The following PCDHA12 variants were observed in gnomAD, a reference collection of about 807,000 sequenced individuals.
PCDHA12 encodes protocadherin alpha 12.
Under a neutral mutation model 60.0 loss-of-function variants are expected in PCDHA12, and 44 were observed. The ratio of observed to expected loss-of-function variants is 0.73; its 90% CI spans 0.58 to 0.94. The LOEUF is 0.94. Ranked by LOEUF, PCDHA12 falls within the 40% of genes least tolerant of loss-of-function variation. The pLI is 0.00. For missense variants in PCDHA12, 1,276 were observed against 1,239.7 expected, an observed-to-expected ratio of 1.03 and a Z score of -0.44; for synonymous variants, 569 against 553.0, an observed-to-expected ratio of 1.03 and a Z score of -0.40.
At chr5:140,904,519 A>C (rs576512079) in intron 1 of PCDHA12, among the ~76,000 whole-genome samples, 2 of 152,174 alleles carry the variant, frequency 1.3e-5, no homozygotes, top group Non-Finnish European at 2.9e-5. Context: ...GTGCTGCTAT[A>C]AACTTGTGTG....
intron 1 of PCDHA12, among the ~76,000 whole-genome samples, chr5:140,917,330 A>AGGGGGGGGGGG (rs1425400137): frequency 9.7e-6 from 1 of 103,190 alleles, no homozygotes. Flanking sequence ...GTGGCGGGGG[A>AGGGGGGGGGGG]GGGGGGGGAT....
chr5:140,990,898 G>A (rs1408537294), intron 3 of PCDHA12, among the ~76,000 whole-genome samples: 3 of 152,146 alleles, frequency 2.0e-5, no homozygotes, highest in Non-Finnish European at 4.4e-5. Context: ...GGTCGTTGCT[G>A]GGTCAAGTTT....
chr5:140,911,485 A>G (rs1387982810), intron 1 of PCDHA12, among the ~76,000 whole-genome samples: 1 of 152,152 alleles, frequency 6.6e-6, no homozygotes, highest in East Asian at 1.9e-4. Context: ...ACTCAGGGCA[A>G]TCTTAGCAGG....
intron 1 of PCDHA12, among the ~76,000 whole-genome samples, chr5:140,952,473 A>C (rs1262702527): frequency 6.6e-6 from 1 of 152,210 alleles, no homozygotes; most frequent in Non-Finnish European, 1.5e-5. Flanking sequence ...GCATAAGGAA[A>C]GTGACATTTG....
intron 2 of PCDHA12, among the ~76,000 whole-genome samples, chr5:140,980,491 G>A (rs917181390): frequency 2.6e-5 from 4 of 152,132 alleles, no homozygotes; most frequent in Non-Finnish European, 5.9e-5. Flanking sequence ...TTAGCTGGGC[G>A]TGATGGCATG....
intron 1 of PCDHA12, among the ~76,000 whole-genome samples, chr5:140,972,711 T>A (rs2096551404): frequency 6.7e-6 from 1 of 148,680 alleles, no homozygotes; most frequent in Non-Finnish European, 1.5e-5. Context: ...GTTGCCAGGC[T>A]GGAGTGCAGT....
chr5:140,985,060 C>T (rs1377386395), intron 3 of PCDHA12, among the ~76,000 whole-genome samples: 2 of 152,066 alleles, frequency 1.3e-5, no homozygotes, highest in Admixed American at 6.5e-5. Flanking sequence ...GCCTCAGCCT[C>T]CTGAGTAGCT....
chr5:140,982,677 C>T, intron 3 of PCDHA12, 114 bp downstream of exon 3: 1 of 1,439,238 alleles, frequency 6.9e-7, no homozygotes, highest in Non-Finnish European at 9.1e-7. Flanking sequence ...TTTTGTTATT[C>T]CCTTTTTTCC....
At chr5:140,957,895 A>G (rs1169291586) in intron 1 of PCDHA12, among the ~76,000 whole-genome samples, 1 of 152,118 alleles carries the variant, frequency 6.6e-6, no homozygotes, top group African/African-American at 2.4e-5. Flanking sequence ...GTTGGCATCA[A>G]CCAAGGCATA....
At chr5:140,928,120 G>A (rs368067553) in intron 1 of PCDHA12, 5 of 1,614,062 alleles carry the variant, frequency 3.1e-6, no homozygotes, top group African/African-American at 1.3e-5. Context: ...GCAGATCAGT[G>A]AATACCAAGT....
chr5:140,876,928 A>G lies in PCDHA12; in HGVS notation c.1456A>G (p.Lys486Glu), dbSNP rs188405716. Residue 486 changes from lysine to glutamate, a missense_variant, in exon 1 of 4, where the codon AAG becomes GAG. Coordinates refer to ENST00000398631, the MANE Select transcript of PCDHA12 (RefSeq NM_018903.4). ...TVSAWDADAQ[K>E]NALVSYSLVE... ...GTCGGCATGGGACGCGGACGCGCAG[A>G]AGAACGCGCTGGTGTCCTACTCGCT... The G allele has an allele frequency of 1.9e-5, 31 of 1,613,808 alleles. No individual in the cohort carries two copies. In the African/African-American group the frequency reaches 2.4e-4, roughly 12 times the overall value.
intron 1 of PCDHA12, chr5:140,969,111 G>A (rs1554231464): frequency 4.3e-6 from 7 of 1,614,116 alleles, no homozygotes; most frequent in Non-Finnish European, 5.9e-6. Flanking sequence ...ATTGAAGTTC[G>A]AGGGAATGGC....
chr5:140,895,720 C>A (rs1473250558), intron 1 of PCDHA12, among the ~76,000 whole-genome samples: 2 of 152,136 alleles, frequency 1.3e-5, no homozygotes, highest in African/African-American at 4.8e-5. Flanking sequence ...ATGGCCTGCA[C>A]CTCCATTCAA....
intron 1 of PCDHA12, chr5:140,929,159 A>C (rs781818133): frequency 1.2e-6 from 2 of 1,613,968 alleles, no homozygotes; most frequent in African/African-American, 1.3e-5. Context: ...ACTTATCTCT[A>C]TCGGGCCTCT....
intron 1 of PCDHA12, among the ~76,000 whole-genome samples, chr5:140,961,697 T>A (rs1326642906): frequency 6.6e-6 from 1 of 152,232 alleles, no homozygotes; most frequent in Non-Finnish European, 1.5e-5. Flanking sequence ...GTCCTTAGTA[T>A]GAATGCCTTC....
chr5:140,956,809 T>C (rs868918745), intron 1 of PCDHA12, among the ~76,000 whole-genome samples: 2 of 152,198 alleles, frequency 1.3e-5, no homozygotes, highest in Non-Finnish European at 1.5e-5. Flanking sequence ...TATTTATTAT[T>C]GCTTCAATTT....
intron 1 of PCDHA12, chr5:140,968,991 G>A: frequency 6.2e-7 from 1 of 1,614,208 alleles, no homozygotes; most frequent in East Asian, 2.2e-5. Context: ...ACTGCATGCT[G>A]TGGAGGCTTC....
rs1252847205 is a variant in PCDHA12, at chr5:140,877,040, T to C, written c.1568T>C (p.Leu523Pro). The C allele has an allele frequency of 5.0e-6, 8 of 1,612,450 alleles. No homozygotes were observed. The highest frequency in any genetic ancestry group is 5.1e-6 in the Non-Finnish European group (6 of 1,179,802). Residue 523 changes from leucine to proline, a missense_variant, in exon 1 of 4, where the codon CTA (leucine) becomes CCA (proline). Leu to Pro is a moderately conservative substitution (Grantham distance 98). Transcript: ENST00000398631. ...GGCAAGGTGTACGCGCTGCAGCCGC[T>C]AGACCACGAGGAGCTGGAGCTGCTG... ...ESGKVYALQP[L>P]DHEELELLQF...
intron 1 of PCDHA12, among the ~76,000 whole-genome samples, chr5:140,959,609 T>A (rs2095500700): frequency 6.6e-6 from 1 of 152,184 alleles, no homozygotes; most frequent in South Asian, 2.1e-4. Flanking sequence ...ATGCTTTTCT[T>A]GCTTGTGATA....
Sources: gnomAD v4.1 joint callset for allele counts (sites outside exome capture counted in the v4.1 genomes callset) on GRCh38, gnomAD v4.1.1 for gene constraint, MANE v1.5 for transcripts, NCBI Gene and HGNC (gene_info 2026-07-23, HGNC 2026-07-21) for gene names.